The following CSGALNACT1 variants were observed in gnomAD, a reference collection of about 807,000 sequenced individuals.
CSGALNACT1 encodes chondroitin sulfate N-acetylgalactosaminyltransferase 1, also known as beta4GalNAcT-1.
Under a neutral mutation model 51.0 loss-of-function variants are expected in CSGALNACT1, and 52 were observed. That is an observed-to-expected ratio of 1.02 (90% confidence interval 0.82 to 1.29). CSGALNACT1 has a LOEUF of 1.29. Among genes scored for constraint, CSGALNACT1 ranks in the 50% most tolerant of loss-of-function variants. The probability of loss-of-function intolerance (pLI) is 0.00; values close to 1 mark genes in which losing one functional copy is unlikely to be tolerated. For synonymous variants in CSGALNACT1, 341 were observed against 254.4 expected (o/e 1.34, Z -3.24); for missense variants, 935 against 679.2 (o/e 1.38, Z -4.19).
At chr8:19,688,237 A>G (rs1228935977) in intron 1 of CSGALNACT1, among the ~76,000 whole-genome samples, 1 of 152,134 alleles carries the variant, frequency 6.6e-6, no homozygotes, top group Admixed American at 6.5e-5. Context: ...AGGGAAATAG[A>G]TGGAGTTGAT....
intron 4 of CSGALNACT1, among the ~76,000 whole-genome samples, chr8:19,460,036 G>A (rs1045728188): frequency 1.3e-5 from 2 of 152,134 alleles, no homozygotes; most frequent in African/African-American, 4.8e-5. Context: ...TTTCCCTCAT[G>A]CCTAAAGATC....
At chr8:19,504,447 A>C (rs568107604) in intron 4 of CSGALNACT1, among the ~76,000 whole-genome samples, 1 of 152,346 alleles carries the variant, frequency 6.6e-6, no homozygotes, top group Non-Finnish European at 1.5e-5. Context: ...TTCCCAAATT[A>C]TTAGTTGATT....
chr8:19,511,320 C>T (rs1463919785), intron 3 of CSGALNACT1, among the ~76,000 whole-genome samples: 2 of 152,176 alleles, frequency 1.3e-5, no homozygotes, highest in South Asian at 2.1e-4. Context: ...GCCCTAATGC[C>T]GCAGTGCGAG....
intron 3 of CSGALNACT1, among the ~76,000 whole-genome samples, chr8:19,578,116 C>T (rs1342196625): frequency 6.6e-6 from 1 of 152,230 alleles, no homozygotes; most frequent in Admixed American, 6.5e-5. Context: ...GCAGGTGGCA[C>T]CGCAGGTCGT....
intron 3 of CSGALNACT1, among the ~76,000 whole-genome samples, chr8:19,539,551 G>A (rs1300677157): frequency 1.3e-5 from 2 of 152,148 alleles, no homozygotes; most frequent in African/African-American, 4.8e-5. Context: ...TGAATATCAG[G>A]AGAATTGTTA....
intron 4 of CSGALNACT1, 75 bp downstream of exon 3, chr8:19,505,126 G>A: frequency 6.4e-7 from 1 of 1,567,948 alleles, no homozygotes; most frequent in Non-Finnish European, 8.8e-7. Context: ...GCCTCCTGGA[G>A]CTGGAACCTG....
intron 5 of CSGALNACT1, among the ~76,000 whole-genome samples, chr8:19,454,088 A>G (rs2063659083): frequency 6.6e-6 from 1 of 152,252 alleles, no homozygotes; most frequent in Admixed American, 6.5e-5. Context: ...CAGATCATTT[A>G]ATGCCAGAAT....
intron 1 of CSGALNACT1, among the ~76,000 whole-genome samples, chr8:19,728,544 T>C (rs1408015694): frequency 2.0e-5 from 3 of 146,708 alleles, no homozygotes; most frequent in Non-Finnish European, 3.0e-5. Context: ...AGGTCAGACT[T>C]ATAATCCTAT....
rs537665490 is a variant in CSGALNACT1, at chr8:19,655,820, T to C, written c.-544+26653A>G. On this transcript the variant is annotated intron_variant, in intron 1 of 9. Transcript: ENST00000332246. ...ACTATCTCTTCGAGGCTATGGAACATAGAAATATGAATAAAACATGCAGCT... is the reference window on the plus strand; with the variant it reads ...ACTATCTCTTCGAGGCTATGGAACACAGAAATATGAATAAAACATGCAGCT... Among the ~76,000 whole-genome samples, 4 of 152,168 alleles carry C rather than the reference T, an allele frequency of 2.6e-5. No individual in the cohort carries two copies. In the East Asian group the frequency reaches 5.8e-4, roughly 22 times the overall value.
At chr8:19,737,265 T>C (rs999167212) in intron 1 of CSGALNACT1, among the ~76,000 whole-genome samples, 2 of 151,506 alleles carry the variant, frequency 1.3e-5, no homozygotes, top group Non-Finnish European at 2.9e-5. Flanking sequence ...GAAGTATATA[T>C]CTCCCAGAAA....
rs79284320 is a variant in CSGALNACT1, at chr8:19,533,199, C to T, written c.-296-27069G>A. Among the ~76,000 whole-genome samples the T allele has an allele frequency of 9.1e-3, 1,387 of 152,240 alleles. 64 individuals are homozygous for T. In the East Asian group the frequency reaches 0.13, roughly 15 times the overall value. ...TGACGATGTCATAGCTCACCACAGCCTCAAACTTTTGGGATCAAGCGATCC... is the reference window on the plus strand; with the variant it reads ...TGACGATGTCATAGCTCACCACAGCTTCAAACTTTTGGGATCAAGCGATCC... On this transcript the variant is annotated intron_variant, in intron 3 of 9. Transcript: ENST00000454498.
intron 7 of CSGALNACT1, 46 bp from the exon 7 acceptor site, chr8:19,418,796 T>A: frequency 7.4e-7 from 1 of 1,352,684 alleles, no homozygotes; most frequent in Non-Finnish European, 1.1e-6. Context: ...CAGATCCAAG[T>A]AGTAGGTTTG....
At chr8:19,756,891 G>A (rs1053376155) in intron 1 of CSGALNACT1, among the ~76,000 whole-genome samples, 5 of 151,970 alleles carry the variant, frequency 3.3e-5, no homozygotes, top group African/African-American at 9.7e-5. Context: ...GGAGCGCAGC[G>A]GCCCCGGACC....
intron 4 of CSGALNACT1, among the ~76,000 whole-genome samples, chr8:19,467,720 C>T (rs543579253): frequency 2.5e-4 from 38 of 152,112 alleles, no homozygotes; most frequent in African/African-American, 9.2e-4. Flanking sequence ...CAGGGTGGCT[C>T]ATGCCTGCAA....
chr8:19,716,140 T>C (rs892198636), intron 1 of CSGALNACT1, among the ~76,000 whole-genome samples: 2 of 152,052 alleles, frequency 1.3e-5, no homozygotes, highest in African/African-American at 4.8e-5. Flanking sequence ...TCCCGCCCTT[T>C]CCTCTAACAC....
At chr8:19,712,750 G>T (rs1281091268) in intron 1 of CSGALNACT1, among the ~76,000 whole-genome samples, 1 of 152,164 alleles carries the variant, frequency 6.6e-6, no homozygotes, top group Non-Finnish European at 1.5e-5. Context: ...GACAGCACCT[G>T]TTACCTTGCT....
chr8:19,709,255 C>A (rs1489085339), intron 1 of CSGALNACT1, among the ~76,000 whole-genome samples: 1 of 152,180 alleles, frequency 6.6e-6, no homozygotes, highest in Non-Finnish European at 1.5e-5. Flanking sequence ...TGCTCAGTAT[C>A]CCTTCAATGC....
At chr8:19,424,998 C>G (rs2058553340) in intron 6 of CSGALNACT1, among the ~76,000 whole-genome samples, 1 of 152,162 alleles carries the variant, frequency 6.6e-6, no homozygotes, top group Non-Finnish European at 1.5e-5. Flanking sequence ...TCTCAGGACC[C>G]CAAACTCACC....
chr8:19,536,800 C>A (rs1156451151), intron 3 of CSGALNACT1, among the ~76,000 whole-genome samples: 3 of 152,110 alleles, frequency 2.0e-5, no homozygotes, highest in Non-Finnish European at 4.4e-5. Flanking sequence ...GAAGTAGTGG[C>A]AGAGAGATAG....
Sources: gnomAD v4.1 joint callset for allele counts (sites outside exome capture counted in the v4.1 genomes callset) on GRCh38, gnomAD v4.1.1 for gene constraint, MANE v1.5 for transcripts, NCBI Gene and HGNC (gene_info 2026-07-23, HGNC 2026-07-21) for gene names.